The following PTPN3 variants were observed in gnomAD, a reference collection of about 807,000 sequenced individuals.
PTPN3 encodes the protein tyrosine-protein phosphatase non-receptor type 3.
A neutral mutation model predicts 132.7 loss-of-function variants in PTPN3; 96 were observed. The ratio of observed to expected loss-of-function variants is 0.72; its 90% CI spans 0.61 to 0.86. PTPN3 has a LOEUF of 0.86. Among genes scored for constraint, PTPN3 ranks in the 40% least tolerant of loss-of-function variants. PTPN3 has a pLI of 0.00. For missense variants in PTPN3, 1,125 were observed against 1,159.6 expected (o/e 0.97, Z 0.43); for synonymous variants, 398 against 429.0 (o/e 0.93, Z 0.89).
intron 1 of PTPN3, among the ~76,000 whole-genome samples, chr9:109,485,682 C>T (rs957352232): frequency 6.6e-6 from 1 of 152,180 alleles, no homozygotes; most frequent in Non-Finnish European, 1.5e-5. Flanking sequence ...ACACTCATCT[C>T]CTCCTACGGA....
At position 109,490,080 on chromosome 9, in the gene PTPN3, G is replaced by A. The variant is rs150441074; in HGVS notation, c.-18+8139C>T. Among the ~76,000 whole-genome samples the A allele has an allele frequency of 5.3e-3, 800 of 152,198 alleles. 5 individuals carry two copies. Among genetic ancestry groups the A allele is most frequent in the African/African-American group, 0.018 (764 of 41,530 alleles). On this transcript the variant is annotated intron_variant, in intron 1 of 25. Coordinates refer to ENST00000374541, the MANE Select transcript of PTPN3 (RefSeq NM_002829.4). ...CACCTGTAATCTCAGTTACTTGGGA[G>A]GTTGAGGCAGGAGAATCACTTGAAC...
chr9:109,389,140 AG>A, intron 22 of PTPN3, 92 bp downstream of exon 22: 5 of 1,475,650 alleles, frequency 3.4e-6, no homozygotes, highest in Non-Finnish European at 4.6e-6. Flanking sequence ...CTGGACCAGG[AG>A]ACGCTGAAGA....
At chr9:109,535,399 A>G in the PTPN3 span, among the ~76,000 whole-genome samples, 1 of 152,162 alleles carries the variant, frequency 6.6e-6, no homozygotes, top group Non-Finnish European at 1.5e-5. Context: ...AATCCTTACT[A>G]GCTCTCCCAC....
chr9:109,467,354 A>G (rs960550805), intron 1 of PTPN3, among the ~76,000 whole-genome samples: 4 of 152,060 alleles, frequency 2.6e-5, no homozygotes, highest in African/African-American at 9.7e-5. Context: ...GAGCTTTTAA[A>G]ACCTGCCTGT....
chr9:109,381,295 G>A (rs80029763), intron 25 of PTPN3, among the ~76,000 whole-genome samples: 5,308 of 152,216 alleles, frequency 0.035, 144 homozygotes, highest in East Asian at 0.14. Flanking sequence ...GGCACCACAC[G>A]GGTGGAACAG....
the PTPN3 span, among the ~76,000 whole-genome samples, chr9:109,529,420 T>A: frequency 6.8e-6 from 1 of 146,006 alleles, no homozygotes; most frequent in Non-Finnish European, 1.5e-5. Context: ...AGAACCACTG[T>A]CCGAGAGAGT....
At chr9:109,510,574 A>T in the PTPN3 span, among the ~76,000 whole-genome samples, 18,418 of 42,348 alleles carry the variant, frequency 0.43, 2,693 homozygotes, top group East Asian at 0.66. Flanking sequence ...AAAAAAAAAA[A>T]AAATATATAT....
At chr9:109,403,430 C>T (rs1841311002) in intron 19 of PTPN3, among the ~76,000 whole-genome samples, 1 of 152,076 alleles carries the variant, frequency 6.6e-6, no homozygotes, top group Non-Finnish European at 1.5e-5. Context: ...ATTTATGAAC[C>T]CAGACTGTTG....
At chr9:109,460,118 A>G (rs566649693) in intron 2 of PTPN3, among the ~76,000 whole-genome samples, 6 of 152,162 alleles carry the variant, frequency 3.9e-5, no homozygotes, top group African/African-American at 1.4e-4. Flanking sequence ...GATTACTTCT[A>G]CCCTGAGACC....
At chr9:109,428,880 G>A (rs1280345961) in intron 10 of PTPN3, 196 bp from the exon 11 acceptor site, 1 of 985,300 alleles carries the variant, frequency 1.0e-6, no homozygotes, top group Non-Finnish European at 1.2e-6. Flanking sequence ...CTGAAGCTGA[G>A]CACTGCGTAA....
chr9:109,499,550 T>C (rs1321281463), upstream of PTPN3, among the ~76,000 whole-genome samples: 1 of 147,692 alleles, frequency 6.8e-6, no homozygotes, highest in Non-Finnish European at 1.5e-5. Context: ...TTGTCTTTAC[T>C]GCAGTGACCC....
chr9:109,398,158 T>C (rs543029814), intron 19 of PTPN3, among the ~76,000 whole-genome samples: 49 of 152,214 alleles, frequency 3.2e-4, no homozygotes, highest in African/African-American at 1.1e-3. Flanking sequence ...CCTGTAATCC[T>C]AGCTACTGAG....
At chr9:109,391,038 G>A (rs41278399) in intron 21 of PTPN3, 100 bp downstream of exon 21, 22,637 of 1,072,342 alleles carry the variant, frequency 0.021, 309 homozygotes, top group Non-Finnish European at 0.026. Flanking sequence ...GGTGGTGAAC[G>A]GGAAAGCACT....
At chr9:109,477,819 C>T (rs1402848661) in intron 1 of PTPN3, among the ~76,000 whole-genome samples, 1 of 152,252 alleles carries the variant, frequency 6.6e-6, no homozygotes, top group African/African-American at 2.4e-5. Flanking sequence ...CTGCACCTGC[C>T]TCCAGGGATC....
At chr9:109,490,108 A>C (rs2132120573) in intron 1 of PTPN3, among the ~76,000 whole-genome samples, 1 of 152,058 alleles carries the variant, frequency 6.6e-6, no homozygotes, top group South Asian at 2.1e-4. Flanking sequence ...ACTTGAACCC[A>C]GGAGGCAGAG....
At position 109,478,909 on chromosome 9, in the gene PTPN3, C is replaced by T. The variant is rs564024145; in HGVS notation, c.-17-15458G>A. On this transcript the variant is annotated intron_variant, in intron 1 of 25. Transcript: ENST00000374541. ...ACCCAGCGGCAGGGCAGAATCCAAA[C>T]CGGTGGCTCCTGCCAAAGACGTGCT... is the stretch of plus-strand genomic sequence containing the variant. 2.0e-5 allele frequency among the ~76,000 whole-genome samples: 3 copies of T among 152,288 alleles called. No individual in the cohort carries two copies. In the South Asian group the frequency reaches 6.2e-4, roughly 32 times the overall value.
intron 19 of PTPN3, among the ~76,000 whole-genome samples, chr9:109,400,346 C>T (rs1440349245): frequency 6.6e-6 from 1 of 152,160 alleles, no homozygotes; most frequent in African/African-American, 2.4e-5. Flanking sequence ...CCAGACAACA[C>T]ATTAAGTATT....
chr9:109,533,126 A>AT, the PTPN3 span, among the ~76,000 whole-genome samples: 455 of 36,504 alleles, frequency 0.012, 68 homozygotes, highest in African/African-American at 0.021. Flanking sequence ...TACCTGGCTA[A>AT]TTTTTTTTTT....
At chr9:109,462,253 C>T (rs778517399) in intron 2 of PTPN3, among the ~76,000 whole-genome samples, 4 of 152,206 alleles carry the variant, frequency 2.6e-5, no homozygotes, top group African/African-American at 4.8e-5. Flanking sequence ...GGGCCACCGC[C>T]CCATGCCTGC....
Sources: gnomAD v4.1 joint callset for allele counts (sites outside exome capture counted in the v4.1 genomes callset) on GRCh38, gnomAD v4.1.1 for gene constraint, MANE v1.5 for transcripts, NCBI Gene and HGNC (gene_info 2026-07-23, HGNC 2026-07-21) for gene names.